The following ZMAT4 variants were observed in gnomAD, a reference collection of about 807,000 sequenced individuals.
The protein encoded by ZMAT4 is zinc finger matrin-type 4.
A neutral mutation model predicts 28.7 loss-of-function variants in ZMAT4; 17 were observed. The ratio of observed to expected loss-of-function variants is 0.59; its 90% CI spans 0.41 to 0.89. ZMAT4 has a LOEUF of 0.89. ZMAT4 is among the 40% of genes least tolerant of loss of function. ZMAT4 has a pLI of 0.00. For synonymous variants in ZMAT4, 117 were observed against 109.2 expected, an observed-to-expected ratio of 1.07 and a Z score of -0.44; for missense variants, 240 against 283.8, an observed-to-expected ratio of 0.85 and a Z score of 1.11.
chr8:40,732,977 C>A lies in ZMAT4; in HGVS notation c.192+34664G>T, dbSNP rs758889426. Among the ~76,000 whole-genome samples, 53 of 150,796 alleles carry A rather than the reference C, an allele frequency of 3.5e-4. 1 individual carries two copies. Among genetic ancestry groups the A allele is most frequent in the Non-Finnish European group, 6.5e-4 (44 of 67,878 alleles). ...CCTCTCACCTCACCCTGCCAAGTAG[C>A]TGGGTTGACAGGCACAGGCCACCAC... On this transcript the variant is annotated intron_variant, in intron 3 of 6. Transcript: ENST00000297737.
At chr8:40,589,976 CCTT>C (rs1563354185) in intron 5 of ZMAT4, among the ~76,000 whole-genome samples, 2,699 of 86,906 alleles carry the variant, frequency 0.031, 81 homozygotes, top group Non-Finnish European at 0.044. Context: ...TCCCTCCCTT[CCTT>C]CCTTCCTTCC....
At chr8:40,805,940 TAA>T (rs200267126) in intron 2 of ZMAT4, among the ~76,000 whole-genome samples, 30 of 147,364 alleles carry the variant, frequency 2.0e-4, no homozygotes, top group Non-Finnish European at 4.4e-4. Flanking sequence ...AAAGTATAAT[TAA>T]AAAAAAAAGT....
rs1312438030 is a variant in ZMAT4, at chr8:40,693,307, G to T, written c.349+3938C>A. Among the ~76,000 whole-genome samples, 7 of 151,786 alleles carry T rather than the reference G, an allele frequency of 4.6e-5. No homozygotes were observed. The East Asian group carries it at 1.4e-3, about 30-fold the overall frequency. On this transcript the variant is annotated intron_variant, in intron 4 of 6. Coordinates refer to ENST00000297737, the MANE Select transcript of ZMAT4 (RefSeq NM_024645.3). ...AATTTTTATTTTTTTGTAGGGAAAG[G>T]GTCTCACTACATTGCCCAGGCTGGT...
chr8:40,580,102 T>TC (rs1804407089), intron 6 of ZMAT4, among the ~76,000 whole-genome samples: 1 of 140,802 alleles, frequency 7.1e-6, no homozygotes, highest in African/African-American at 2.6e-5. Flanking sequence ...AATCTCCACC[T>TC]CCCAGGTTCA....
At chr8:40,539,161 G>A (rs913763783) in intron 6 of ZMAT4, among the ~76,000 whole-genome samples, 1 of 152,146 alleles carries the variant, frequency 6.6e-6, no homozygotes, top group African/African-American at 2.4e-5. Flanking sequence ...TGTACTGTCT[G>A]TGTCCTCTTC....
intron 5 of ZMAT4, among the ~76,000 whole-genome samples, chr8:40,654,033 T>A (rs1361729319): frequency 6.6e-6 from 1 of 152,210 alleles, no homozygotes; most frequent in African/African-American, 2.4e-5. Flanking sequence ...TTCAAATTTT[T>A]TATGCATTCA....
chr8:40,636,953 A>C (rs1250739246), intron 5 of ZMAT4, among the ~76,000 whole-genome samples: 1 of 152,186 alleles, frequency 6.6e-6, no homozygotes, highest in Non-Finnish European at 1.5e-5. Context: ...CGAATGCAAA[A>C]CTAGGTATCT....
At chr8:40,736,479 A>G (rs1001723902) in intron 3 of ZMAT4, among the ~76,000 whole-genome samples, 1 of 152,208 alleles carries the variant, frequency 6.6e-6, no homozygotes, top group African/African-American at 2.4e-5. Context: ...TTCAGTGAAT[A>G]TTTACAGAAC....
chr8:40,563,004 C>T (rs1377441011), intron 6 of ZMAT4, among the ~76,000 whole-genome samples: 3 of 152,118 alleles, frequency 2.0e-5, no homozygotes, highest in Non-Finnish European at 2.9e-5. Context: ...CTTGAGTGAA[C>T]TCATCTACTC....
At chr8:40,811,928 C>T (rs1462462746) in intron 2 of ZMAT4, among the ~76,000 whole-genome samples, 1 of 151,870 alleles carries the variant, frequency 6.6e-6, no homozygotes, top group African/African-American at 2.4e-5. Context: ...GTCAGGAGTT[C>T]GAGACCAGCC....
At chr8:40,578,532 C>G (rs1373511389) in intron 6 of ZMAT4, among the ~76,000 whole-genome samples, 2 of 152,026 alleles carry the variant, frequency 1.3e-5, no homozygotes, top group Non-Finnish European at 1.5e-5. Context: ...CTACAACTTA[C>G]TAAAAAAAAA....
Position 40,676,587 on chromosome 8 carries a change from T to C in ZMAT4, c.350-1656A>G, listed in dbSNP as rs1016729917. On this transcript the variant is annotated intron_variant, in intron 4 of 6. Transcript: ENST00000297737. ...CAGGTAACTTTTAGGTGGACTTTTT[T>C]TTTGATTAAATAACTTATATAGAAA... Among the ~76,000 whole-genome samples the C allele has an allele frequency of 3.9e-5, 6 of 152,176 alleles. No homozygotes were observed. In the East Asian group the frequency reaches 1.2e-3, roughly 29 times the overall value.
chr8:40,653,531 A>G (rs879763362), intron 5 of ZMAT4, among the ~76,000 whole-genome samples: 1 of 152,094 alleles, frequency 6.6e-6, no homozygotes, highest in Non-Finnish European at 1.5e-5. Context: ...CAAGAAAGAG[A>G]TAACTCACAA....
intron 5 of ZMAT4, among the ~76,000 whole-genome samples, chr8:40,640,665 A>G (rs1806980162): frequency 6.6e-6 from 1 of 152,132 alleles, no homozygotes; most frequent in South Asian, 2.1e-4. Flanking sequence ...CTTTACTTAA[A>G]AAAAAAGTAT....
Position 40,631,767 on chromosome 8 carries a change from G to A in ZMAT4, c.577+42937C>T, listed in dbSNP as rs151159845. 3.6e-4 allele frequency among the ~76,000 whole-genome samples: 55 copies of A among 152,282 alleles called. 1 individual carries two copies. The East Asian group carries it at 8.7e-3, about 24-fold the overall frequency. On this transcript the variant is annotated intron_variant, in intron 5 of 6. Coordinates refer to ENST00000297737, the MANE Select transcript of ZMAT4 (RefSeq NM_024645.3). Reference sequence around the variant, plus strand: ...GTTAGGCATTTAGAGAGAGTTTTACGCTCTTAAGCCATTGGATGGGAAACC... The same window carrying A: ...GTTAGGCATTTAGAGAGAGTTTTACACTCTTAAGCCATTGGATGGGAAACC...
chr8:40,776,374 G>T (rs1813597693), intron 2 of ZMAT4, among the ~76,000 whole-genome samples: 1 of 152,208 alleles, frequency 6.6e-6, no homozygotes, highest in Non-Finnish European at 1.5e-5. Context: ...TGTGATTGTG[G>T]AATCATGTTT....
chr8:40,822,193 C>T (rs1230727702), intron 2 of ZMAT4, among the ~76,000 whole-genome samples: 2 of 152,228 alleles, frequency 1.3e-5, no homozygotes, highest in African/African-American at 4.8e-5. Flanking sequence ...ATTTTTGCCA[C>T]ACTGAACTAT....
At chr8:40,566,596 C>T (rs150413554) in intron 6 of ZMAT4, among the ~76,000 whole-genome samples, 187 of 152,218 alleles carry the variant, frequency 1.2e-3, no homozygotes, top group Non-Finnish European at 2.2e-3. Flanking sequence ...GGTTCCAAGA[C>T]TAAGAAATAG....
intron 1 of ZMAT4, among the ~76,000 whole-genome samples, chr8:40,866,083 C>T (rs148049129): frequency 3.5e-4 from 53 of 152,230 alleles, no homozygotes; most frequent in Middle Eastern, 3.4e-3. Context: ...CAAGGCATTC[C>T]GAAAATACAC....
Sources: gnomAD v4.1 joint callset for allele counts (sites outside exome capture counted in the v4.1 genomes callset) on GRCh38, gnomAD v4.1.1 for gene constraint, MANE v1.5 for transcripts, NCBI Gene and HGNC (gene_info 2026-07-23, HGNC 2026-07-21) for gene names.